The following MED13 variants were observed in gnomAD, a reference collection of about 807,000 sequenced individuals.
The protein encoded by MED13 is mediator of RNA polymerase II transcription subunit 13.
A neutral mutation model predicts 225.2 loss-of-function variants in MED13; 23 were observed. That is an observed-to-expected ratio of 0.10 (90% CI 0.07 to 0.14). The LOEUF (loss-of-function observed/expected upper bound fraction) is 0.14, where lower values mean the gene tolerates loss of function less well. Ranked by LOEUF, MED13 falls within the 10% of genes least tolerant of loss-of-function variation. MED13 has a pLI of 1.00. For missense variants in MED13, 2,197 were observed against 2,594.5 expected, an observed-to-expected ratio of 0.85 and a Z score of 3.33; for synonymous variants, 942 against 889.2, an observed-to-expected ratio of 1.06 and a Z score of -1.06.
chr17:62,037,933 G>A (rs1391457123), intron 3 of MED13, among the ~76,000 whole-genome samples: 7 of 125,798 alleles, frequency 5.6e-5, no homozygotes, highest in Non-Finnish European at 9.5e-5. Context: ...TTCAGCCTGG[G>A]CAACAGAGTG....
chr17:62,022,875 A>T (rs9905907), intron 8 of MED13, among the ~76,000 whole-genome samples: 150,019 of 152,150 alleles, frequency 0.99, 73,964 homozygotes, highest in Middle Eastern at 1. Flanking sequence ...CCGAGCATTG[A>T]GGCACACACC....
chr17:61,943,433 TAA>T lies in MED13; in HGVS notation c.*3033_*3034del, dbSNP rs1477971153. 2.0e-5 allele frequency: 3 copies of T among 152,596 alleles called. No homozygotes were observed. The highest frequency in any genetic ancestry group is 6.5e-5 in the Admixed American group (1 of 15,274). 9.5% of individuals were successfully genotyped at this position (152,596 alleles called of 1,614,324 possible). On this transcript the variant is annotated 3_prime_UTR_variant, in exon 30 of 30. Transcript: ENST00000397786. ...TCTGCAAATCTTTGTAGTAACACAT[TAA>T]GTTAAAAAATTACCTCAGAAGGTAA...
chr17:62,004,017 G>A (rs2080422441), intron 9 of MED13: 1 of 152,186 alleles, frequency 6.6e-6, no homozygotes, highest in Non-Finnish European at 1.5e-5. Flanking sequence ...AGAATTAACA[G>A]CTCTTATGAA....
In MED13 at chr17:61,988,735, GT is replaced by G. The variant is rs368998634; in HGVS notation, c.2264-1608del. 9.7e-3 allele frequency among the ~76,000 whole-genome samples: 1,397 copies of G among 143,614 alleles called. 16 individuals carry two copies. The highest frequency in any genetic ancestry group is 0.032 in the African/African-American group (1,261 of 39,476). 94.2% of individuals were successfully genotyped at this position (143,614 alleles called of 152,430 possible). On this transcript the variant is annotated intron_variant, in intron 11 of 29. Transcript: ENST00000397786. The stretch of plus-strand genomic sequence containing the variant: ...ACCCAATTTGTTTCCGAGTTTTTTC[GT>G]TTTTTTTTTTAATGTATGTATTGTG...
intron 2 of MED13, among the ~76,000 whole-genome samples, chr17:62,061,529 CAAT>C (rs2081039100): frequency 6.6e-6 from 1 of 152,090 alleles, no homozygotes; most frequent in Admixed American, 6.6e-5. Flanking sequence ...ATAGTTTTAT[CAAT>C]AATTATGTTT....
intron 8 of MED13, among the ~76,000 whole-genome samples, chr17:62,014,506 G>T (rs1170053727): frequency 6.6e-6 from 1 of 151,848 alleles, no homozygotes. Flanking sequence ...CAGTAGAGGT[G>T]GGGTTTCACC....
In MED13 at chr17:62,033,929, C is replaced by A. The variant is rs371167411; in HGVS notation, c.672G>T (p.Met224Ile). 2 of 1,613,992 alleles carry A rather than the reference C, an allele frequency of 1.2e-6. No individual in the cohort carries two copies. Reference sequence around the variant, plus strand: ...TTAATTTTTTTGTAGCTGAATCAGACATCTTGAATGCCTGTCCTGTGAGAG... The same window carrying A: ...TTAATTTTTTTGTAGCTGAATCAGAAATCTTGAATGCCTGTCCTGTGAGAG... ...NGTLTGQAFK[M>I]SDSATKKLIG... Residue 224 changes from methionine to isoleucine, a missense_variant, in exon 5 of 30, where the codon ATG becomes ATT. Physicochemically the swap from Met to Ile is conservative, Grantham distance 10 (BLOSUM62 1). Coordinates refer to ENST00000397786, the MANE Select transcript of MED13 (RefSeq NM_005121.3).
At chr17:61,952,483 AAAT>A (rs1486923474) in intron 27 of MED13, among the ~76,000 whole-genome samples, 2 of 152,212 alleles carry the variant, frequency 1.3e-5, no homozygotes, top group African/African-American at 2.4e-5. Flanking sequence ...AACTACAAAA[AAAT>A]GACTAATGCC....
rs1218041888 is a variant in MED13 at position 61,962,901 on chromosome 17, T to C, written c.4915A>G (p.Ile1639Val). ...AAAGGATCAATTATATAAACAACAA[T>C]TGCAGGTGGATACGTGACTGCATGT... Reference protein sequence around the residue: ...DSHAVTYPPAIVVYIIDPFTY... With the variant: ...DSHAVTYPPAVVVYIIDPFTY... The change falls in exon 21 of 30, where the codon ATT (isoleucine) becomes GTT (valine). Residue 1639 changes from isoleucine to valine, a missense_variant. Coordinates refer to ENST00000397786, the MANE Select transcript of MED13 (RefSeq NM_005121.3). The C allele has an allele frequency of 2.5e-6, 4 of 1,614,000 alleles. No individual in the cohort carries two copies. Among genetic ancestry groups the C allele is most frequent in the African/African-American group, 2.7e-5 (2 of 74,926 alleles).
intron 16 of MED13, among the ~76,000 whole-genome samples, chr17:61,980,299 C>T (rs1205185799): frequency 6.6e-6 from 1 of 152,092 alleles, no homozygotes; most frequent in Non-Finnish European, 1.5e-5. Context: ...CCTTTTCTCC[C>T]TCCCCACTTA....
chr17:62,016,175 C>A (rs7224848), intron 8 of MED13, among the ~76,000 whole-genome samples: 27,167 of 139,546 alleles, frequency 0.19, 5,014 homozygotes, highest in African/African-American at 0.5. Context: ...CCAAGAACAA[C>A]AACAAAAAAA....
chr17:62,020,741 T>G (rs1051768114), intron 8 of MED13, among the ~76,000 whole-genome samples: 234 of 147,174 alleles, frequency 1.6e-3, no homozygotes, highest in African/African-American at 4.5e-3. Context: ...CGCAGAGGGG[T>G]ATTTGGCAGG....
chr17:62,063,310 A>C lies in MED13; in HGVS notation c.67-9T>G, dbSNP rs2081056112. On this transcript the variant is annotated splice_polypyrimidine_tract_variant and intron_variant, in intron 1 of 29. Coordinates refer to ENST00000397786, the MANE Select transcript of MED13 (RefSeq NM_005121.3). The stretch of plus-strand genomic sequence containing the variant: ...ATTCCTGTCAAGTCAGCCTGAAGGA[A>C]AGAAAGCATTAAGTTTTATTACTGC... 6.3e-7 allele frequency: 1 copy of C among 1,588,788 alleles called. No homozygotes were observed. The highest frequency in any genetic ancestry group is 8.6e-7 in the Non-Finnish European group (1 of 1,159,804).
At chr17:61,948,040 G>A (rs1253464452) in intron 28 of MED13, among the ~76,000 whole-genome samples, 1 of 152,112 alleles carries the variant, frequency 6.6e-6, no homozygotes, top group African/African-American at 2.4e-5. Flanking sequence ...GATTTATGGA[G>A]TTATAAGCAA....
At chr17:61,961,127 C>T (rs749846133) in intron 22 of MED13, 37 bp from the exon 23 acceptor site, 7 of 1,438,214 alleles carry the variant, frequency 4.9e-6, no homozygotes, top group South Asian at 4.9e-5. Flanking sequence ...TCATACTATA[C>T]AATCTTAGAG....
At chr17:62,028,864 A>G (rs1416295797) in intron 8 of MED13, among the ~76,000 whole-genome samples, 2 of 152,084 alleles carry the variant, frequency 1.3e-5, no homozygotes, top group East Asian at 3.9e-4. Context: ...AAAATAAAAA[A>G]AGATTACTGT....
chr17:62,037,142 A>T (rs1427498135), intron 3 of MED13, among the ~76,000 whole-genome samples: 1 of 152,032 alleles, frequency 6.6e-6, no homozygotes, highest in African/African-American at 2.4e-5. Flanking sequence ...AATCCCAGCT[A>T]CTTGGGAGGC....
At chr17:62,062,079 C>T (rs968986515) in intron 2 of MED13, among the ~76,000 whole-genome samples, 1 of 152,010 alleles carries the variant, frequency 6.6e-6, no homozygotes, top group Non-Finnish European at 1.5e-5. Flanking sequence ...TAAAATAGAT[C>T]CTATAGGTCA....
rs1311566641 is a variant in MED13 at position 62,010,970 on chromosome 17, ACAT to A, written c.1544_1546del (p.Asp515del). On this transcript the variant is annotated inframe_deletion, in exon 9 of 30. Coordinates refer to ENST00000397786, the MANE Select transcript of MED13 (RefSeq NM_005121.3). Reference sequence around the variant, plus strand: ...GCCATGCATCTGAGGAGTCTTTGCTACATCATTAGTTCGGATATTTGAAAATCT... The same window carrying A: ...GCCATGCATCTGAGGAGTCTTTGCTACATTAGTTCGGATATTTGAAAATCT... 6.2e-7 allele frequency: 1 copy of A among 1,613,422 alleles called. No homozygotes were observed. The highest frequency in any genetic ancestry group is 1.1e-5 in the South Asian group (1 of 91,062).
Sources: allele counts gnomAD v4.1 joint callset (sites outside exome capture counted in the v4.1 genomes callset), GRCh38; gene constraint gnomAD v4.1.1; transcripts MANE v1.5; gene names NCBI Gene and HGNC (gene_info 2026-07-23, HGNC 2026-07-21).